The following FBN2 variants were observed in gnomAD, a reference collection of about 807,000 sequenced individuals.
FBN2 encodes the protein fibrillin 2, also known as fibrillin-2.
In FBN2, 105 loss-of-function variants were observed where a neutral mutation model predicts 355.6. The ratio of observed to expected loss-of-function variants is 0.30; its 90% CI spans 0.25 to 0.35. FBN2 has a LOEUF of 0.35. Among genes scored for constraint, FBN2 ranks in the 10% least tolerant of loss-of-function variants. FBN2 has a pLI of 1.00. For missense variants in FBN2, 3,280 were observed against 3,758.7 expected, an observed-to-expected ratio of 0.87 and a Z score of 3.33; for synonymous variants, 1,350 against 1,301.2, an observed-to-expected ratio of 1.04 and a Z score of -0.81.
chr5:128,359,292 A>T (rs1436763839), intron 19 of FBN2, among the ~76,000 whole-genome samples: 1 of 152,074 alleles, frequency 6.6e-6, no homozygotes, highest in Non-Finnish European at 1.5e-5. Flanking sequence ...TTTGCAATGA[A>T]TCTGCTAATA....
At chr5:128,387,808 T>G (rs910578395) in intron 11 of FBN2, among the ~76,000 whole-genome samples, 11 of 152,162 alleles carry the variant, frequency 7.2e-5, no homozygotes, top group African/African-American at 2.7e-4. Flanking sequence ...ATGAGAAGAA[T>G]GTATATTTTG....
chr5:128,349,896 G>T, intron 22 of FBN2, 59 bp downstream of exon 22: 2 of 1,317,124 alleles, frequency 1.5e-6, no homozygotes, highest in Non-Finnish European at 2.2e-6. Flanking sequence ...GAGAGTGAAT[G>T]TTAATTTTAC....
intron 4 of FBN2, among the ~76,000 whole-genome samples, chr5:128,521,003 G>C (rs1756418150): frequency 6.6e-6 from 1 of 152,170 alleles, no homozygotes; most frequent in African/African-American, 2.4e-5. Context: ...AAACCTATGA[G>C]AGCATTCTGT....
At chr5:128,427,571 T>C (rs1046582174) in intron 7 of FBN2, among the ~76,000 whole-genome samples, 6 of 152,218 alleles carry the variant, frequency 3.9e-5, no homozygotes, top group African/African-American at 1.4e-4. Flanking sequence ...TTTCTGCTGA[T>C]TTCAATTTTA....
Position 128,309,335 on chromosome 5 carries a change from G to T in FBN2, c.5265C>A (p.Phe1755Leu), listed in dbSNP as rs771203255. The T allele has an allele frequency of 6.2e-7, 1 of 1,613,796 alleles. No individual in the cohort carries two copies. The highest frequency in any genetic ancestry group is 8.5e-7 in the Non-Finnish European group (1 of 1,179,816). Residue 1755 changes from phenylalanine (F) to leucine (L), a missense_variant, in exon 41 of 65, where the codon TTC (phenylalanine) becomes TTA (leucine). This residue lies in a region of FBN2 where 2,284 missense variants were observed against 2,749.5 expected (regional missense o/e 0.83). Coordinates refer to ENST00000262464, the MANE Select transcript of FBN2 (RefSeq NM_001999.4). ...AGCAGCACATCCTTTTTGTCACATT[G>T]AAAGGCAACTCATTCTCACAAGTGG... ...NGTTCENELP[F>L]NVTKRMCCCT...
Position 128,288,271 on chromosome 5 carries a change from C to G in FBN2, c.6757+167G>C, listed in dbSNP as rs748736983. Among the ~76,000 whole-genome samples, 6 of 152,050 alleles carry G rather than the reference C, an allele frequency of 3.9e-5. No homozygotes were observed. The South Asian group carries it at 1.0e-3, about 26-fold the overall frequency. On this transcript the variant is annotated intron_variant, in intron 53 of 64. Transcript: ENST00000262464. Reference sequence around the variant, plus strand: ...CTTTACAGCAGCTATTTTAACTGTACTAAAGGAAAACTAAAAACCAACCAA... The same window carrying G: ...CTTTACAGCAGCTATTTTAACTGTAGTAAAGGAAAACTAAAAACCAACCAA...
chr5:128,406,980 G>GA (rs1376063958), intron 8 of FBN2, among the ~76,000 whole-genome samples: 2 of 152,208 alleles, frequency 1.3e-5, no homozygotes, highest in African/African-American at 4.8e-5. Context: ...ATGCAAGATA[G>GA]AAACTCTGAT....
intron 5 of FBN2, among the ~76,000 whole-genome samples, chr5:128,472,035 T>C (rs963819400): frequency 6.6e-6 from 1 of 152,346 alleles, no homozygotes; most frequent in South Asian, 2.1e-4. Context: ...GTTAAGACTA[T>C]AGGCACTTGA....
intron 6 of FBN2, 87 bp downstream of exon 6, chr5:128,464,637 C>T (rs1021426995): frequency 1.4e-6 from 2 of 1,405,780 alleles, no homozygotes; most frequent in African/African-American, 2.8e-5. Context: ...CTGTTAAAAG[C>T]TACCATCCAG....
At chr5:128,436,398 T>A (rs1753767949) in intron 7 of FBN2, among the ~76,000 whole-genome samples, 1 of 152,188 alleles carries the variant, frequency 6.6e-6, no homozygotes. Context: ...ATACTTCAAA[T>A]TTCCATTTCA....
intron 6 of FBN2, among the ~76,000 whole-genome samples, chr5:128,453,070 T>C (rs1754295199): frequency 6.6e-6 from 1 of 152,200 alleles, no homozygotes; most frequent in Non-Finnish European, 1.5e-5. Context: ...ATATGGGGTG[T>C]CCTAGCAATC....
At chr5:128,439,934 G>A (rs1180504470) in intron 7 of FBN2, among the ~76,000 whole-genome samples, 3 of 151,866 alleles carry the variant, frequency 2.0e-5, no homozygotes, top group African/African-American at 7.3e-5. Context: ...ATTTATCCTG[G>A]TATAAGATGT....
chr5:128,345,136 A>C (rs145105461), intron 24 of FBN2, among the ~76,000 whole-genome samples: 26 of 152,354 alleles, frequency 1.7e-4, no homozygotes, highest in African/African-American at 6.0e-4. Context: ...CAGAGGAACA[A>C]AGAGTAGAAG....
chr5:128,289,794 A>G, intron 51 of FBN2, 88 bp downstream of exon 51: 1 of 788,724 alleles, frequency 1.3e-6, no homozygotes, highest in South Asian at 1.5e-5. Flanking sequence ...TATGTTACAT[A>G]GTAAAGTTAG....
chr5:128,310,202 T>C, intron 39 of FBN2, 94 bp from the exon 40 acceptor site: 1 of 1,071,702 alleles, frequency 9.3e-7, no homozygotes, highest in Non-Finnish European at 1.4e-6. Flanking sequence ...GGTGATTCTC[T>C]AAATCCCCAT....
intron 4 of FBN2, among the ~76,000 whole-genome samples, chr5:128,519,750 A>G (rs1054038855): frequency 1.3e-5 from 2 of 152,126 alleles, no homozygotes; most frequent in Non-Finnish European, 2.9e-5. Context: ...AATGAATAAA[A>G]TATGGGAAAT....
chr5:128,401,705 C>A (rs546493084), intron 8 of FBN2, among the ~76,000 whole-genome samples: 1 of 152,058 alleles, frequency 6.6e-6, no homozygotes, highest in African/African-American at 2.4e-5. Flanking sequence ...CACTTGAACC[C>A]GGGAGGTGGA....
chr5:128,273,675 C>T (rs778128993), intron 61 of FBN2, among the ~76,000 whole-genome samples, 165 bp downstream of exon 61: 4 of 152,134 alleles, frequency 2.6e-5, no homozygotes, highest in Non-Finnish European at 5.9e-5. Context: ...TCCCTCTGTC[C>T]CCAAAGTGAT....
At chr5:128,277,316 T>A (rs1443994574) in intron 58 of FBN2, among the ~76,000 whole-genome samples, 1 of 152,140 alleles carries the variant, frequency 6.6e-6, no homozygotes, top group Non-Finnish European at 1.5e-5. Context: ...AAAAACCGAA[T>A]AAGAAAAATA....
Sources: gnomAD v4.1 joint callset for allele counts (sites outside exome capture counted in the v4.1 genomes callset) on GRCh38, gnomAD v4.1.1 for gene constraint, gnomAD v4.1.1 regional missense constraint, MANE v1.5 for transcripts, NCBI Gene and HGNC (gene_info 2026-07-23, HGNC 2026-07-21) for gene names.